The following ITPRID1 variants were observed in gnomAD, a reference collection of about 807,000 sequenced individuals.
The protein encoded by ITPRID1 is protein ITPRID1.
ITPRID1 carries 96 observed loss-of-function variants against 95.4 expected under a neutral mutation model. The ratio of observed to expected loss-of-function variants is 1.01; its 90% CI spans 0.85 to 1.19. The LOEUF (loss-of-function observed/expected upper bound fraction) is 1.19. ITPRID1 is among the 50% of genes most tolerant of loss of function. ITPRID1 has a pLI of 0.00. For synonymous variants in ITPRID1, 510 were observed against 453.6 expected, an observed-to-expected ratio of 1.12 and a Z score of -1.58; for missense variants, 1,339 against 1,252.9, an observed-to-expected ratio of 1.07 and a Z score of -1.04.
intron 5 of ITPRID1, 112 bp from the exon 6 acceptor site, chr7:31,569,646 T>C: frequency 1.2e-6 from 1 of 858,152 alleles, no homozygotes; most frequent in Non-Finnish European, 1.9e-6. Flanking sequence ...TTCATGCCTA[T>C]ATAACCTTGG....
intron 10 of ITPRID1, among the ~76,000 whole-genome samples, chr7:31,597,115 T>A (rs187858939): frequency 1.4e-4 from 22 of 151,898 alleles, no homozygotes; most frequent in Non-Finnish European, 2.8e-4. Context: ...AAACAAAAAC[T>A]CTCTGCAAGT....
chr7:31,569,549 A>G (rs1024045824), intron 5 of ITPRID1, among the ~76,000 whole-genome samples: 15 of 152,162 alleles, frequency 9.9e-5, no homozygotes, highest in African/African-American at 3.6e-4. Flanking sequence ...TTCCCTCTCC[A>G]TTGAGCCAGT....
At chr7:31,540,240 G>A (rs1783890636) in intron 1 of ITPRID1, among the ~76,000 whole-genome samples, 1 of 152,058 alleles carries the variant, frequency 6.6e-6, no homozygotes, top group Non-Finnish European at 1.5e-5. Context: ...GGGTTCCATG[G>A]ACTCACTAGA....
At chr7:31,633,923 T>C (rs1467890522) in intron 10 of ITPRID1, among the ~76,000 whole-genome samples, 3 of 152,236 alleles carry the variant, frequency 2.0e-5, no homozygotes, top group Non-Finnish European at 4.4e-5. Flanking sequence ...TTCAATTTTA[T>C]AGCTTCTGTG....
At chr7:31,619,748 A>T (rs922101518) in intron 10 of ITPRID1, among the ~76,000 whole-genome samples, 1 of 152,122 alleles carries the variant, frequency 6.6e-6, no homozygotes, top group Non-Finnish European at 1.5e-5. Flanking sequence ...AGTGCCAGAC[A>T]GTGGGCGCAG....
intron 5 of ITPRID1, among the ~76,000 whole-genome samples, chr7:31,566,402 G>A (rs999580656): frequency 1.3e-5 from 2 of 152,168 alleles, no homozygotes; most frequent in African/African-American, 4.8e-5. Context: ...CCAAAGCAGT[G>A]GCAAGAATGT....
chr7:31,636,490 T>C (rs1583680714), intron 10 of ITPRID1, among the ~76,000 whole-genome samples: 1 of 152,188 alleles, frequency 6.6e-6, no homozygotes, highest in Non-Finnish European at 1.5e-5. Context: ...AAGTCTTGCA[T>C]CAAAACATAT....
intron 5 of ITPRID1, among the ~76,000 whole-genome samples, chr7:31,559,052 C>A (rs1271198097): frequency 6.6e-6 from 1 of 152,132 alleles, no homozygotes; most frequent in African/African-American, 2.4e-5. Flanking sequence ...TTTCACCAGT[C>A]TATAGGTACA....
At chr7:31,566,403 G>A (rs10238259) in intron 5 of ITPRID1, among the ~76,000 whole-genome samples, 1 of 152,146 alleles carries the variant, frequency 6.6e-6, no homozygotes, top group Non-Finnish European at 1.5e-5. Flanking sequence ...CAAAGCAGTG[G>A]CAAGAATGTC....
At chr7:31,549,311 C>A in intron 1 of ITPRID1, 115 bp from the exon 2 acceptor site, 1 of 615,354 alleles carries the variant, frequency 1.6e-6, no homozygotes, top group Non-Finnish European at 2.5e-6. Flanking sequence ...ACTTCTCAAT[C>A]ATCCAAACTA....
chr7:31,643,983 G>T, intron 12 of ITPRID1, 30 bp downstream of exon 12: 2 of 1,567,868 alleles, frequency 1.3e-6, no homozygotes, highest in South Asian at 1.2e-5. Context: ...AAGATGGAAA[G>T]GCAGATGCAC....
In ITPRID1 at chr7:31,643,828, C is replaced by T; in HGVS notation, c.2458C>T (p.Gln820Ter). The T allele has an allele frequency of 6.2e-7, 1 of 1,613,934 alleles. No homozygotes were observed. Among genetic ancestry groups the T allele is most frequent in the Non-Finnish European group, 8.5e-7 (1 of 1,179,898 alleles). ...CCACCCTCACTGCCACGGGGAGAGG[C>T]AAAGCCCTGGCCCTGAACCCTCAGT... is the stretch of plus-strand genomic sequence containing the variant. ...HHHPHCHGER[Q>*]SPGPEPSVCR... The change falls in exon 12 of 15, where the codon CAA becomes TAA. Residue 820 changes from glutamine (Q) to a stop codon, truncating the protein, a stop_gained. Coordinates refer to ENST00000615280, the MANE Select transcript of ITPRID1 (RefSeq NM_001257967.3). LOFTEE classifies it high-confidence loss of function.
chr7:31,643,947 A>G lies in ITPRID1; in HGVS notation c.2577A>G (p.Leu859=), dbSNP rs377331865. 7.5e-6 allele frequency: 12 copies of G among 1,607,872 alleles called. No homozygotes were observed. In the African/African-American group the frequency reaches 1.5e-4, roughly 20 times the overall value. The change falls in exon 12 of 15, where the codon CTA becomes CTG. Residue 859 remains leucine (L), a synonymous_variant. Transcript: ENST00000615280. ...TTCAGGACACTACAGTGAGGGAGCT[A>G]TGTTCCGTAAGTGTTCACCCTGGCA... is the stretch of plus-strand genomic sequence containing the variant. ...KALQDTTVRE[L]CSCTVHEMEA... is the part of the protein sequence containing the mutation.
chr7:31,628,618 C>A (rs1788705172), intron 10 of ITPRID1, among the ~76,000 whole-genome samples: 2 of 151,978 alleles, frequency 1.3e-5, no homozygotes, highest in African/African-American at 4.8e-5. Context: ...CCACCACGCC[C>A]CGCTAATTTT....
intron 10 of ITPRID1, among the ~76,000 whole-genome samples, chr7:31,633,887 CT>C (rs1448305449): frequency 1.3e-5 from 2 of 152,236 alleles, no homozygotes; most frequent in African/African-American, 2.4e-5. Context: ...ATCACCTCTG[CT>C]TTTTCTCCCT....
chr7:31,569,735 C>T (rs201049907), intron 5 of ITPRID1, 23 bp from the exon 6 acceptor site: 57 of 1,561,798 alleles, frequency 3.6e-5, no homozygotes, highest in Non-Finnish European at 4.9e-5. Flanking sequence ...TAAAGTTCCC[C>T]TCTACTTTTT....
chr7:31,615,879 G>C (rs766953143), intron 10 of ITPRID1, among the ~76,000 whole-genome samples: 2 of 151,222 alleles, frequency 1.3e-5, no homozygotes, highest in South Asian at 2.1e-4. Context: ...TCAGCCTCCC[G>C]AGTACCTGGG....
chr7:31,609,241 G>T (rs1786759751), intron 10 of ITPRID1, among the ~76,000 whole-genome samples: 1 of 151,256 alleles, frequency 6.6e-6, no homozygotes, highest in Admixed American at 6.6e-5. Flanking sequence ...TTTTGTTTAG[G>T]ATTTTTACAT....
intron 10 of ITPRID1, among the ~76,000 whole-genome samples, chr7:31,585,517 A>G (rs1238008655): frequency 6.6e-6 from 1 of 152,206 alleles, no homozygotes; most frequent in Non-Finnish European, 1.5e-5. Flanking sequence ...GAAGAGGAGG[A>G]GAAGTCTATC....
Sources: allele counts gnomAD v4.1 joint callset (sites outside exome capture counted in the v4.1 genomes callset), GRCh38; gene constraint gnomAD v4.1.1; transcripts MANE v1.5; gene names NCBI Gene and HGNC (gene_info 2026-07-23, HGNC 2026-07-21).